The following WWP2 variants were observed in gnomAD, a reference collection of about 807,000 sequenced individuals.
WWP2 encodes the protein WW domain containing E3 ubiquitin protein ligase 2.
In WWP2, 57 loss-of-function variants were observed where a neutral mutation model predicts 121.0. The observed-to-expected ratio is 0.47, with a 90% confidence interval of 0.38 to 0.59. The LOEUF (loss-of-function observed/expected upper bound fraction) is 0.59. WWP2 is among the 20% of genes least tolerant of loss of function. The pLI, the probability that WWP2 is intolerant of heterozygous loss-of-function variation, is 0.00. For synonymous variants in WWP2, 449 were observed against 441.3 expected, an observed-to-expected ratio of 1.02 and a Z score of -0.22; for missense variants, 962 against 1,158.9, an observed-to-expected ratio of 0.83 and a Z score of 2.47.
In WWP2 at chr16:69,931,807, G is replaced by A. The variant is rs2058719223; in HGVS notation, c.1599G>A (p.Met533Ile). 6.2e-7 allele frequency: 1 copy of A among 1,613,632 alleles called. No homozygotes were observed. Residue 533 changes from methionine (M) to isoleucine (I), a missense_variant, in exon 16 of 24, where the codon ATG (methionine) becomes ATA (isoleucine). By Grantham distance (10) the Met-to-Ile change is conservative. This residue lies in a region of WWP2 where 606 missense variants were observed against 772.6 expected (regional missense o/e 0.78). Coordinates refer to ENST00000359154, the MANE Select transcript of WWP2 (RefSeq NM_001270454.2). ...TLFEDSFQQI[M>I]NMKPYDLRRR... ...CCGATGCTCTGTCTTCCCAGATCAT[G>A]AACATGAAACCCTATGACCTGCGCC...
intron 11 of WWP2, among the ~76,000 whole-genome samples, chr16:69,926,505 G>C (rs569371506): frequency 6.6e-6 from 1 of 152,290 alleles, no homozygotes; most frequent in Non-Finnish European, 1.5e-5. Flanking sequence ...AAACATGCAG[G>C]TTTGGAGCTG....
intron 8 of WWP2, among the ~76,000 whole-genome samples, chr16:69,898,002 T>TTTTTTC (rs2058134663): frequency 6.6e-6 from 1 of 150,704 alleles, no homozygotes; most frequent in Admixed American, 6.7e-5. Context: ...GTGTATGTGG[T>TTTTTTC]TTTTTCTTTT....
Position 69,937,266 on chromosome 16 carries a change from G to T in WWP2, c.2238+28G>T. 1 of 1,611,654 alleles carries T rather than the reference G, an allele frequency of 6.2e-7. No individual in the cohort carries two copies. The highest frequency in any genetic ancestry group is 1.1e-5 in the South Asian group (1 of 90,742). On this transcript the variant is annotated intron_variant, in intron 20 of 23. Coordinates refer to ENST00000359154, the MANE Select transcript of WWP2 (RefSeq NM_001270454.2). This position sits in a 1 kb window ranked among gnomAD's most constrained non-coding sequence, Gnocchi z 6.6. ...GAGTGTCTGAGGTTGCTGGGACCCT[G>T]AGCCCCTGCCTCTGGGGCGATCCTG...
intron 2 of WWP2, among the ~76,000 whole-genome samples, chr16:69,792,215 C>T (rs188829391): frequency 2.0e-5 from 3 of 152,160 alleles, no homozygotes; most frequent in East Asian, 1.9e-4. Flanking sequence ...GGCCCTTAAA[C>T]GTAGGACAGC....
chr16:69,777,983 T>C (rs1003227941), intron 1 of WWP2, among the ~76,000 whole-genome samples: 1 of 150,208 alleles, frequency 6.7e-6, no homozygotes, highest in Admixed American at 6.7e-5. Context: ...GGTGAGAGGA[T>C]TGCTTGAGCC....
chr16:69,924,505 C>A (rs2058609389), intron 10 of WWP2, among the ~76,000 whole-genome samples: 1 of 147,284 alleles, frequency 6.8e-6, no homozygotes, highest in East Asian at 1.9e-4. Flanking sequence ...TTTGACAACA[C>A]CCCCCTTCCC....
intron 1 of WWP2, among the ~76,000 whole-genome samples, chr16:69,782,665 A>T (rs1268140680): frequency 6.6e-6 from 1 of 152,160 alleles, no homozygotes. Context: ...CTTATTACAG[A>T]CTAGTCTAGA....
intron 1 of WWP2, among the ~76,000 whole-genome samples, chr16:69,776,700 T>A (rs1567657266): frequency 6.6e-6 from 1 of 152,068 alleles, no homozygotes; most frequent in African/African-American, 2.4e-5. Context: ...TGGTGGTGCA[T>A]GCCTGTAATC....
chr16:69,902,459 T>C (rs1270771500), intron 8 of WWP2, among the ~76,000 whole-genome samples: 1 of 152,180 alleles, frequency 6.6e-6, no homozygotes, highest in Non-Finnish European at 1.5e-5. Flanking sequence ...AGACCTCGTG[T>C]AGTCCATGAT....
intron 7 of WWP2, among the ~76,000 whole-genome samples, chr16:69,874,727 A>G (rs1400691480): frequency 6.6e-6 from 1 of 152,116 alleles, no homozygotes; most frequent in Non-Finnish European, 1.5e-5. Flanking sequence ...AATTTTACAT[A>G]TTTTACTTCT....
At chr16:69,867,475 A>C (rs1303645090) in intron 6 of WWP2, among the ~76,000 whole-genome samples, 3 of 152,206 alleles carry the variant, frequency 2.0e-5, no homozygotes, top group African/African-American at 7.2e-5. Flanking sequence ...GGGCGAGGCC[A>C]GGTGTCCCAT....
At chr16:69,867,680 T>C (rs1403143527) in intron 6 of WWP2, among the ~76,000 whole-genome samples, 1 of 152,132 alleles carries the variant, frequency 6.6e-6, no homozygotes, top group Non-Finnish European at 1.5e-5. Context: ...AGAGAGGACC[T>C]TGAGTGAGGA....
intron 2 of WWP2, among the ~76,000 whole-genome samples, chr16:69,794,487 C>G (rs1002868123): frequency 6.6e-6 from 1 of 151,914 alleles, no homozygotes; most frequent in African/African-American, 2.4e-5. Flanking sequence ...TGAGATTGCA[C>G]CACTGCACTC....
intron 7 of WWP2, among the ~76,000 whole-genome samples, chr16:69,873,649 G>T (rs894293930): frequency 6.6e-6 from 1 of 152,184 alleles, no homozygotes; most frequent in Non-Finnish European, 1.5e-5. Context: ...GCAGCTCTGC[G>T]AGCATTTTTC....
chr16:69,938,881 AG>A, intron 21 of WWP2, 145 bp from the exon 22 acceptor site: 1 of 657,786 alleles, frequency 1.5e-6, no homozygotes. Flanking sequence ...GGGGTTTCTC[AG>A]GTTGGAGGCT....
At chr16:69,893,518 G>A (rs1037686448) in intron 8 of WWP2, among the ~76,000 whole-genome samples, 1 of 152,152 alleles carries the variant, frequency 6.6e-6, no homozygotes, top group African/African-American at 2.4e-5. Flanking sequence ...CTGGCTTTGG[G>A]TTCAAATATG....
intron 7 of WWP2, among the ~76,000 whole-genome samples, chr16:69,881,856 T>C (rs1003336579): frequency 8.5e-5 from 13 of 152,130 alleles, no homozygotes; most frequent in Non-Finnish European, 1.6e-4. Context: ...CACACCCAGC[T>C]ATTTTTTTCT....
intron 6 of WWP2, among the ~76,000 whole-genome samples, chr16:69,865,885 G>A (rs1012592070): frequency 2.0e-5 from 3 of 152,180 alleles, no homozygotes; most frequent in Admixed American, 6.5e-5. Flanking sequence ...AAGGAATGCC[G>A]GTCAGTTGCT....
At position 69,787,009 on chromosome 16, in the gene WWP2, A is replaced by C; in HGVS notation, c.-2A>C. 6.2e-7 allele frequency: 1 copy of C among 1,611,214 alleles called. No homozygotes were observed. Among genetic ancestry groups the C allele is most frequent in the Non-Finnish European group, 8.5e-7 (1 of 1,179,048 alleles). On this transcript the variant is annotated 5_prime_UTR_variant, in exon 2 of 24. Transcript: ENST00000359154. ...TTTGTCTTACAGCTTCACGGTGATG[A>C]TATGGCATCTGCCAGCTCTAGCCGG...
Sources: gnomAD v4.1 joint callset for allele counts (sites outside exome capture counted in the v4.1 genomes callset) on GRCh38, gnomAD v4.1.1 for gene constraint, gnomAD v4.1.1 regional missense constraint, Gnocchi (gnomAD v3.1) non-coding constraint, MANE v1.5 for transcripts, NCBI Gene and HGNC (gene_info 2026-07-23, HGNC 2026-07-21) for gene names.